Variants in SMTN observed in about 807,000 individuals in gnomAD.
SMTN encodes smoothelin.
Under a neutral mutation model 102.0 loss-of-function variants are expected in SMTN, and 58 were observed. The observed-to-expected ratio is 0.57, with a 90% CI of 0.46 to 0.71. The LOEUF (loss-of-function observed/expected upper bound fraction) is 0.71, where lower values mean the gene tolerates loss of function less well. Among genes scored for constraint, SMTN ranks in the 30% least tolerant of loss-of-function variants. The pLI is 0.00. For synonymous variants in SMTN, 478 were observed against 497.9 expected, an observed-to-expected ratio of 0.96 and a Z score of 0.53; for missense variants, 1,185 against 1,241.7, an observed-to-expected ratio of 0.95 and a Z score of 0.69.
intron 1 of SMTN, among the ~76,000 whole-genome samples, chr22:31,073,012 T>TCTC (rs1491520848): frequency 1.6e-4 from 3 of 18,210 alleles, no homozygotes; most frequent in Non-Finnish European, 3.0e-4. Flanking sequence ...TCTCTCTCTC[T>TCTC]TTTTTTTTTT....
intron 1 of SMTN, among the ~76,000 whole-genome samples, chr22:31,069,784 G>A (rs963266254): frequency 6.6e-6 from 1 of 152,248 alleles, no homozygotes; most frequent in African/African-American, 2.4e-5. Flanking sequence ...CTCGCTCAGG[G>A]CTGGGTGGGC....
intron 2 of SMTN, chr22:31,084,978 C>T: frequency 6.8e-7 from 1 of 1,460,304 alleles, no homozygotes; most frequent in African/African-American, 1.4e-5. Flanking sequence ...TAGGCCCGCT[C>T]CGCCCGCCCT....
intron 19 of SMTN, 71 bp downstream of exon 19, chr22:31,099,967 G>A (rs2043939027): frequency 1.3e-6 from 2 of 1,518,600 alleles, no homozygotes; most frequent in Non-Finnish European, 1.8e-6. Flanking sequence ...AGGCCCAGTT[G>A]CCCTGAGAAC....
chr22:31,098,585 C>CCG (rs1353288936), intron 16 of SMTN, 82 bp from the exon 17 acceptor site: 9 of 1,414,634 alleles, frequency 6.4e-6, no homozygotes, highest in Admixed American at 1.9e-5. Context: ...CTACAAGACC[C>CCG]CCCCTCCTCC....
chr22:31,098,099 G>A (rs2043747121), intron 16 of SMTN, among the ~76,000 whole-genome samples: 1 of 152,208 alleles, frequency 6.6e-6, no homozygotes, highest in Admixed American at 6.5e-5. Context: ...GGGGCTGGCA[G>A]AAAGCAGGAA....
At chr22:31,079,482 AG>A (rs1183930506), upstream of SMTN, among the ~76,000 whole-genome samples, 1 of 152,254 alleles carries the variant, frequency 6.6e-6, no homozygotes. Context: ...ATTAGCACAA[AG>A]CAGGCCATTC....
intron 13 of SMTN, chr22:31,096,500 G>T (rs905114928): frequency 2.2e-6 from 1 of 446,444 alleles, no homozygotes; most frequent in Non-Finnish European, 3.9e-6. Context: ...TAGCTACTCC[G>T]TATTCTCTAG....
intron 1 of SMTN, among the ~76,000 whole-genome samples, chr22:31,072,997 TTCTC>T (rs199956191): frequency 7.3e-6 from 1 of 137,474 alleles, no homozygotes; most frequent in Non-Finnish European, 1.5e-5. Context: ...CTGAAGTTGA[TTCTC>T]TCTCTCTCTC....
At chr22:31,089,321 G>A (rs181766826) in intron 6 of SMTN, among the ~76,000 whole-genome samples, 1 of 152,248 alleles carries the variant, frequency 6.6e-6, no homozygotes. Context: ...AGAGGCCGCT[G>A]GGTCCACGGT....
At position 31,096,763 on chromosome 22, in the gene SMTN, T is replaced by G. The variant is rs1044165014; in HGVS notation, c.1892T>G (p.Leu631Arg). ...CGGGACAAGGAGCGGGAACGGCGGCTGCAGGAGGCACGGGGCCGGCCAGGG... is the reference window on the plus strand; with the variant it reads ...CGGGACAAGGAGCGGGAACGGCGGCGGCAGGAGGCACGGGGCCGGCCAGGG... Reference protein sequence around the residue: ...DQRDKERERRLQEARGRPGEG... With the variant: ...DQRDKERERRRQEARGRPGEG... The change falls in exon 14 of 21, where the codon CTG becomes CGG. Residue 631 changes from leucine to arginine, a missense_variant. Transcript: ENST00000333137. 1.9e-6 allele frequency: 3 copies of G among 1,556,892 alleles called. No individual in the cohort carries two copies. Among genetic ancestry groups the G allele is most frequent in the Non-Finnish European group, 2.6e-6 (3 of 1,155,222 alleles).
At chr22:31,096,367 T>G (rs2043577983) in intron 13 of SMTN, 1 of 205,562 alleles carries the variant, frequency 4.9e-6, no homozygotes, top group African/African-American at 2.3e-5. Context: ...CCCACCCAGC[T>G]ACTTCCTCAC....
At chr22:31,074,150 G>A (rs1374643957) in intron 1 of SMTN, among the ~76,000 whole-genome samples, 1 of 152,132 alleles carries the variant, frequency 6.6e-6, no homozygotes, top group Non-Finnish European at 1.5e-5. Flanking sequence ...CACTTTGGGA[G>A]GCTGAGGTGG....
chr22:31,085,071 G>C (rs892505284), intron 2 of SMTN: 1 of 1,533,354 alleles, frequency 6.5e-7, no homozygotes, highest in East Asian at 2.5e-5. Flanking sequence ...ATTGGGCCGG[G>C]GATGGGAGGA....
Position 31,091,845 on chromosome 22 carries a change from A to C in SMTN, c.1630A>C (p.Lys544Gln), listed in dbSNP as rs1259243717. The change falls in exon 11 of 21, where the codon AAG becomes CAG. Residue 544 changes from lysine (K) to glutamine (Q), a missense_variant and splice_region_variant. Lys to Gln is a moderately conservative substitution (Grantham distance 53). Around this residue, in one of 2 missense-constraint regions of SMTN, gnomAD observed 1,096 missense variants for 1,112.7 expected, o/e 0.98. Transcript: ENST00000333137. The part of the protein sequence containing the change: ...PPSSRGGCSI[K>Q]MEAEPAEPLA... Reference sequence around the variant, plus strand: ...CAGTAGCCGAGGAGGCTGCAGCATCAAGGTGAGCCCCTCCTCACCCCACCA... The same window carrying C: ...CAGTAGCCGAGGAGGCTGCAGCATCCAGGTGAGCCCCTCCTCACCCCACCA... The C allele has an allele frequency of 6.3e-7, 1 of 1,581,158 alleles. No individual in the cohort carries two copies. Among genetic ancestry groups the C allele is most frequent in the Non-Finnish European group, 8.6e-7 (1 of 1,161,472 alleles).
rs749093410 is a variant in SMTN, at chr22:31,104,308, C to A, written c.*21-8C>A. The A allele has an allele frequency of 3.1e-6, 5 of 1,613,914 alleles. No individual in the cohort carries two copies. Among genetic ancestry groups the A allele is most frequent in the Non-Finnish European group, 4.2e-6 (5 of 1,179,838 alleles). ...GCTGACATCCAACCCCGTGCCCCCT[C>A]CCTGCAGGATGCTGGTGGACTGTGT... On this transcript the variant is annotated splice_polypyrimidine_tract_variant and splice_region_variant and intron_variant, in intron 20 of 20. Transcript: ENST00000333137.
At chr22:31,086,513 C>A (rs1236614726) in intron 2 of SMTN, among the ~76,000 whole-genome samples, 1 of 152,164 alleles carries the variant, frequency 6.6e-6, no homozygotes, top group Non-Finnish European at 1.5e-5. Context: ...TCCCATTTGC[C>A]CCCTTGTCTC....
At chr22:31,079,222 C>T (rs1326047768), upstream of SMTN, among the ~76,000 whole-genome samples, 1 of 152,232 alleles carries the variant, frequency 6.6e-6, no homozygotes, top group Non-Finnish European at 1.5e-5. Context: ...TGTAAACTTC[C>T]CTAGCACTGT....
At chr22:31,104,123 C>T in intron 20 of SMTN, 193 bp from the exon 21 acceptor site, 4 of 624,040 alleles carry the variant, frequency 6.4e-6, no homozygotes, top group Non-Finnish European at 1.1e-5. Context: ...GCTCTGCTCC[C>T]CCGCCCCGAG....
At position 31,083,174 on chromosome 22, in the gene SMTN, T is replaced by C; in HGVS notation, c.-80-5T>C. ...GCATGCCTGATTCATGTCTGTCCCC[T>C]GCAGAATTCTCTGAGCTGGTGACAG... On this transcript the variant is annotated splice_region_variant and splice_polypyrimidine_tract_variant and intron_variant, in intron 1 of 20. Transcript: ENST00000333137. 6.4e-7 allele frequency: 1 copy of C among 1,564,880 alleles called. No individual in the cohort carries two copies. Among genetic ancestry groups the C allele is most frequent in the Non-Finnish European group, 8.7e-7 (1 of 1,153,740 alleles).
Sources: gnomAD v4.1 joint callset for allele counts (sites outside exome capture counted in the v4.1 genomes callset) on GRCh38, gnomAD v4.1.1 for gene constraint, gnomAD v4.1.1 regional missense constraint, MANE v1.5 for transcripts, NCBI Gene and HGNC (gene_info 2026-07-23, HGNC 2026-07-21) for gene names.